The following DYNC2H1 variants were observed in gnomAD, a reference collection of about 807,000 sequenced individuals.
DYNC2H1 encodes the protein cytoplasmic dynein 2 heavy chain 1.
Under a neutral mutation model 570.0 loss-of-function variants are expected in DYNC2H1, and 410 were observed. That is an observed-to-expected ratio of 0.72 (90% CI 0.66 to 0.78). The LOEUF (loss-of-function observed/expected upper bound fraction) is 0.78. DYNC2H1 is among the 30% of genes least tolerant of loss of function. The probability of loss-of-function intolerance (pLI) is 0.00; values close to 1 mark genes in which losing one functional copy is unlikely to be tolerated. For synonymous variants in DYNC2H1, 1,688 were observed against 1,677.6 expected (o/e 1.01, Z -0.15); for missense variants, 4,865 against 5,046.4 (o/e 0.96, Z 1.09).
Position 103,233,828 on chromosome 11 carries a change from T to TTA in DYNC2H1, c.9441-204_9441-203dup, listed in dbSNP as rs202223414. On this transcript the variant is annotated intron_variant, in intron 60 of 88. Coordinates refer to ENST00000375735, the MANE Select transcript of DYNC2H1 (RefSeq NM_001377.3). Reference sequence around the variant, plus strand: ...TTTTTGAGGTAGAGAATGCTACACTTTATGTGTGTGTGTGTGTGTGTGTGT... The same window carrying TTA: ...TTTTTGAGGTAGAGAATGCTACACTTTATATGTGTGTGTGTGTGTGTGTGTGT... Among the ~76,000 whole-genome samples, 4,361 of 49,892 alleles carry TTA rather than the reference T, an allele frequency of 0.087. 196 individuals carry two copies. The highest frequency in any genetic ancestry group is 0.082 in the Non-Finnish European group (1,972 of 24,130). The allele number at this position is 49,892 out of a possible 152,430, so 32.7% of individuals were successfully genotyped here.
In DYNC2H1 at chr11:103,241,653, C is replaced by A; in HGVS notation, c.9820-2040C>A. 1 of 907,920 alleles carries A rather than the reference C, an allele frequency of 1.1e-6. No individual in the cohort carries two copies. The highest frequency in any genetic ancestry group is 1.7e-6 in the Non-Finnish European group (1 of 594,658). 56.2% of individuals were successfully genotyped at this position (907,920 alleles called of 1,614,324 possible). On this transcript the variant is annotated intron_variant, in intron 63 of 88. Transcript: ENST00000375735. This position sits in a 1 kb window ranked among gnomAD's most constrained non-coding sequence, Gnocchi z 5.1. The stretch of plus-strand genomic sequence containing the variant: ...GCTAGCATAAAATTAGATCAAAAAC[C>A]TAGGTGCAGCACCATGGTAACACTT...
In DYNC2H1 at chr11:103,181,963, G is replaced by A; in HGVS notation, c.6477+77G>A. On this transcript the variant is annotated intron_variant, in intron 40 of 88. Transcript: ENST00000375735. The surrounding 1 kb of genome is among the most constrained non-coding windows in gnomAD (Gnocchi z 5.0). ...GAGTGATGCTTATTTTAACTTCCTT[G>A]TGGTAGAACTCTGCTGGAATGTGGG... is the stretch of plus-strand genomic sequence containing the variant. The A allele has an allele frequency of 6.7e-7, 1 of 1,483,768 alleles. No homozygotes were observed. The highest frequency in any genetic ancestry group is 9.1e-7 in the Non-Finnish European group (1 of 1,096,858). The allele number at this position is 1,483,768 out of a possible 1,614,324, so 91.9% of individuals were successfully genotyped here.
chr11:103,332,615 G>A (rs921136778), intron 82 of DYNC2H1, among the ~76,000 whole-genome samples: 1 of 152,188 alleles, frequency 6.6e-6, no homozygotes, highest in Admixed American at 6.5e-5. Context: ...ATTCAAGTCA[G>A]AAGATAATGG....
At chr11:103,285,335 A>G (rs1866300843) in intron 73 of DYNC2H1, among the ~76,000 whole-genome samples, 1 of 152,120 alleles carries the variant, frequency 6.6e-6, no homozygotes. Flanking sequence ...TTCTGGCTAA[A>G]CTGATTTAGC....
At position 103,246,639 on chromosome 11, in the gene DYNC2H1, G is replaced by A. The variant is rs577590205; in HGVS notation, c.10042+1265G>A. Among the ~76,000 whole-genome samples, 4 of 152,138 alleles carry A rather than the reference G, an allele frequency of 2.6e-5. No individual in the cohort carries two copies. In the East Asian group the frequency reaches 7.7e-4, roughly 29 times the overall value. The stretch of plus-strand genomic sequence containing the variant: ...CTTTTTCCATCTTCTCCGCAGGGTT[G>A]GATGTATTCGTGTCACACTAGTCTG... On this transcript the variant is annotated intron_variant, in intron 65 of 88. Coordinates refer to ENST00000375735, the MANE Select transcript of DYNC2H1 (RefSeq NM_001377.3).
chr11:103,217,534 A>G (rs1332391019), intron 55 of DYNC2H1, among the ~76,000 whole-genome samples: 2 of 152,164 alleles, frequency 1.3e-5, no homozygotes, highest in African/African-American at 4.8e-5. Flanking sequence ...ATCCAGGTAG[A>G]GAGAGAAAAA....
chr11:103,349,512 G>A (rs551860466), intron 82 of DYNC2H1, among the ~76,000 whole-genome samples: 2 of 152,178 alleles, frequency 1.3e-5, no homozygotes, highest in African/African-American at 4.8e-5. Context: ...ATTTCATATA[G>A]TAATTAATAC....
chr11:103,303,989 A>AT (rs562479693), intron 76 of DYNC2H1, among the ~76,000 whole-genome samples: 27 of 148,700 alleles, frequency 1.8e-4, no homozygotes, highest in Non-Finnish European at 2.2e-4. Flanking sequence ...TTGTAATGCC[A>AT]TTTTTTTTTT....
intron 73 of DYNC2H1, 32 bp from the exon 74 acceptor site, chr11:103,286,223 G>T: frequency 6.2e-7 from 1 of 1,603,980 alleles, no homozygotes; most frequent in Non-Finnish European, 8.5e-7. Flanking sequence ...TTTGCTTATA[G>T]CTCACTGTAT....
intron 77 of DYNC2H1, among the ~76,000 whole-genome samples, chr11:103,306,013 ATGATTCTCGTG>A (rs1867267526): frequency 1.3e-5 from 2 of 152,066 alleles, no homozygotes; most frequent in Non-Finnish European, 2.9e-5. Context: ...CCAAGTTCAA[ATGATTCTCGTG>A]CCTCAGCCTC....
chr11:103,257,894 T>C (rs963340069), intron 69 of DYNC2H1, 143 bp downstream of exon 69: 6 of 915,864 alleles, frequency 6.6e-6, no homozygotes, highest in Non-Finnish European at 8.6e-6. Flanking sequence ...TTTTAAGCTA[T>C]ATAAAGAAAC....
At chr11:103,121,939 A>C (rs1012534251) in intron 10 of DYNC2H1, among the ~76,000 whole-genome samples, 1 of 151,956 alleles carries the variant, frequency 6.6e-6, no homozygotes, top group Non-Finnish European at 1.5e-5. Flanking sequence ...CGACAGAAAG[A>C]GATGCTATCT....
rs1858014811 is a variant in DYNC2H1, at chr11:103,109,664, G to C, written c.90G>C (p.Gln30His). 1 of 1,613,822 alleles carries C rather than the reference G, an allele frequency of 6.2e-7. No homozygotes were observed. Among genetic ancestry groups the C allele is most frequent in the Admixed American group, 1.7e-5 (1 of 59,988 alleles). ...YFGLMSELWD[Q>H]PLLCNCLEIN... ...GGTTGATGTCTGAACTCTGGGATCA[G>C]CCACTGTTGTGCAACTGTCTTGAAA... is the stretch of plus-strand genomic sequence containing the variant. The change falls in exon 1 of 89, where the codon CAG becomes CAC. Residue 30 changes from glutamine to histidine, a missense_variant. Around this residue, in one of 5 missense-constraint regions of DYNC2H1, gnomAD observed 1,936 missense variants for 1,962.1 expected, o/e 0.99. Coordinates refer to ENST00000375735, the MANE Select transcript of DYNC2H1 (RefSeq NM_001377.3).
intron 65 of DYNC2H1, among the ~76,000 whole-genome samples, chr11:103,247,734 G>A (rs1019575241): frequency 3.3e-5 from 5 of 152,052 alleles, no homozygotes; most frequent in Admixed American, 3.3e-4. Context: ...TGGTCTCAGA[G>A]TGGCATATTT....
intron 59 of DYNC2H1, among the ~76,000 whole-genome samples, chr11:103,229,935 C>T (rs1863942207): frequency 6.6e-6 from 1 of 152,110 alleles, no homozygotes; most frequent in South Asian, 2.1e-4. Flanking sequence ...CAGTAATTCT[C>T]AAAATTTGGT....
At chr11:103,110,881 A>C (rs1027299031) in intron 1 of DYNC2H1, among the ~76,000 whole-genome samples, 2 of 151,804 alleles carry the variant, frequency 1.3e-5, no homozygotes, top group Admixed American at 1.3e-4. Context: ...GCTGGAGTGC[A>C]ATGGCACAAT....
At chr11:103,349,082 C>T (rs1161751746) in intron 82 of DYNC2H1, among the ~76,000 whole-genome samples, 1 of 152,100 alleles carries the variant, frequency 6.6e-6, no homozygotes, top group Admixed American at 6.6e-5. Context: ...TTCTTTATAG[C>T]AGCGTGAGAA....
intron 18 of DYNC2H1, among the ~76,000 whole-genome samples, chr11:103,144,574 A>AAATTAAAT (rs1860139666): frequency 6.6e-6 from 1 of 152,208 alleles, no homozygotes; most frequent in Non-Finnish European, 1.5e-5. Context: ...TGCTGAAAAT[A>AAATTAAAT]TGAAGTTGGT....
chr11:103,422,977 A>ATT (rs34754148), intron 84 of DYNC2H1, among the ~76,000 whole-genome samples: 2 of 151,758 alleles, frequency 1.3e-5, no homozygotes, highest in African/African-American at 4.8e-5. Flanking sequence ...CCTCTGCAGG[A>ATT]TTTTTTTGTA....
Sources: gnomAD v4.1 joint callset for allele counts (sites outside exome capture counted in the v4.1 genomes callset) on GRCh38, gnomAD v4.1.1 for gene constraint, gnomAD v4.1.1 regional missense constraint, Gnocchi (gnomAD v3.1) non-coding constraint, MANE v1.5 for transcripts, NCBI Gene and HGNC (gene_info 2026-07-23, HGNC 2026-07-21) for gene names.